Variants in GLI3 observed in about 807,000 individuals in gnomAD.
GLI3 encodes the protein GLI family zinc finger 3.
Under a neutral mutation model 100.8 loss-of-function variants are expected in GLI3, and 20 were observed. That is an observed-to-expected ratio of 0.20 (90% confidence interval 0.14 to 0.29). The LOEUF is 0.29. Among genes scored for constraint, GLI3 ranks in the 10% least tolerant of loss-of-function variants. The pLI is 1.00. For synonymous variants in GLI3, 938 were observed against 860.5 expected (o/e 1.09, Z -1.58); for missense variants, 2,040 against 2,128.5 (o/e 0.96, Z 0.82).
intron 3 of GLI3, among the ~76,000 whole-genome samples, chr7:42,130,646 G>C (rs1352197115): frequency 6.6e-6 from 1 of 152,012 alleles, no homozygotes; most frequent in Non-Finnish European, 1.5e-5. Context: ...TAACCTAGGA[G>C]GTCTAACAGT....
chr7:42,056,473 T>C (rs1439692464), intron 4 of GLI3, among the ~76,000 whole-genome samples: 1 of 152,122 alleles, frequency 6.6e-6, no homozygotes, highest in African/African-American at 2.4e-5. Flanking sequence ...GTAAATATGA[T>C]TTGAATGAAA....
At chr7:42,131,125 T>C (rs1786264689) in intron 3 of GLI3, among the ~76,000 whole-genome samples, 1 of 152,144 alleles carries the variant, frequency 6.6e-6, no homozygotes, top group Non-Finnish European at 1.5e-5. Flanking sequence ...TGTATTCCAA[T>C]AAAATAAAGG....
intron 4 of GLI3, among the ~76,000 whole-genome samples, chr7:42,063,918 A>G (rs1784622375): frequency 6.6e-6 from 1 of 152,188 alleles, no homozygotes; most frequent in Non-Finnish European, 1.5e-5. Flanking sequence ...CCAGATACAC[A>G]TGTGCATGTA....
intron 3 of GLI3, among the ~76,000 whole-genome samples, chr7:42,107,752 C>T (rs1430993021): frequency 2.0e-5 from 3 of 152,178 alleles, no homozygotes; most frequent in Non-Finnish European, 2.9e-5. Flanking sequence ...TCTGGGGACA[C>T]TTCACAAATG....
chr7:41,972,263 T>G lies in GLI3; in HGVS notation c.2103+74A>C. 1 of 1,384,206 alleles carries G rather than the reference T, an allele frequency of 7.2e-7. No homozygotes were observed. The highest frequency in any genetic ancestry group is 1.2e-5 in the South Asian group (1 of 86,146). 85.7% of individuals were successfully genotyped at this position (1,384,206 alleles called of 1,614,324 possible). A position where few individuals can be genotyped will look rare whatever the true frequency, so the allele number is the denominator to read the frequency against. The stretch of plus-strand genomic sequence containing the variant: ...TGACACAGTGAGGACCGGGAAGTCC[T>G]GTCCCTCTATGCACCCTACCTGGCT... On this transcript the variant is annotated intron_variant, in intron 13 of 14. Coordinates refer to ENST00000395925, the MANE Select transcript of GLI3 (RefSeq NM_000168.6). The surrounding 1 kb of genome is among the most constrained non-coding windows in gnomAD (Gnocchi z 4.4).
At chr7:42,026,000 G>GA (rs1266749396) in intron 8 of GLI3, among the ~76,000 whole-genome samples, 199 bp downstream of exon 8, 2 of 152,156 alleles carry the variant, frequency 1.3e-5, no homozygotes, top group African/African-American at 4.8e-5. Context: ...GACCCTGGGG[G>GA]AAAAAACTGT....
intron 6 of GLI3, among the ~76,000 whole-genome samples, chr7:42,044,763 G>A (rs901771592): frequency 6.6e-6 from 1 of 152,026 alleles, no homozygotes; most frequent in Non-Finnish European, 1.5e-5. Context: ...TGTTAAAACA[G>A]GTATTTTTTA....
At chr7:42,129,765 G>A (rs1191989576) in intron 3 of GLI3, among the ~76,000 whole-genome samples, 2 of 151,962 alleles carry the variant, frequency 1.3e-5, no homozygotes, top group African/African-American at 2.4e-5. Context: ...AGCCGAGATC[G>A]CGCCACTGCA....
rs199876743 is a variant in GLI3 at position 41,965,883 on chromosome 7, G to A, written c.3190C>T (p.Pro1064Ser). ...TTCTCGGTGATGCTGGGAGGACAGG[G>A]GGACGAGTGGAAGTTTCGGGACTGG... ...GGQSRNFHSS[P>S]CPPSITENVT... The change falls in exon 15 of 15, where the codon CCC (proline) becomes TCC (serine). Residue 1064 changes from proline (P) to serine (S), a missense_variant. Coordinates refer to ENST00000395925, the MANE Select transcript of GLI3 (RefSeq NM_000168.6). 2 of 1,613,690 alleles carry A rather than the reference G, an allele frequency of 1.2e-6. No individual in the cohort carries two copies. Among genetic ancestry groups the A allele is most frequent in the African/African-American group, 2.7e-5 (2 of 74,960 alleles).
At chr7:42,210,137 G>A (rs1330413757) in intron 2 of GLI3, among the ~76,000 whole-genome samples, 3 of 151,952 alleles carry the variant, frequency 2.0e-5, no homozygotes, top group Admixed American at 1.3e-4. Context: ...CCCCGCTGTC[G>A]AACATGGTTC....
chr7:42,026,998 C>T (rs1345479311), intron 7 of GLI3, among the ~76,000 whole-genome samples: 1 of 152,242 alleles, frequency 6.6e-6, no homozygotes, highest in Non-Finnish European at 1.5e-5. Context: ...ATTAACCTCT[C>T]CCCGCTGAAA....
At chr7:42,163,195 T>C (rs1787168243) in intron 2 of GLI3, among the ~76,000 whole-genome samples, 1 of 152,004 alleles carries the variant, frequency 6.6e-6, no homozygotes, top group Non-Finnish European at 1.5e-5. Context: ...TCTATCTCTA[T>C]ACACCTGCCT....
At chr7:42,160,393 G>A (rs1787103844) in intron 2 of GLI3, among the ~76,000 whole-genome samples, 1 of 152,134 alleles carries the variant, frequency 6.6e-6, no homozygotes, top group African/African-American at 2.4e-5. Context: ...GAGATATCTT[G>A]GGGATAGGAC....
chr7:42,092,807 TTATTTATG>T (rs1349735179), intron 3 of GLI3, among the ~76,000 whole-genome samples: 26 of 138,794 alleles, frequency 1.9e-4, no homozygotes, highest in African/African-American at 3.5e-4. Flanking sequence ...ATTTATTTAT[TTATTTATG>T]TATTTATGTA....
intron 1 of GLI3, among the ~76,000 whole-genome samples, chr7:42,252,235 G>C (rs1355705041): frequency 6.6e-6 from 1 of 152,114 alleles, no homozygotes; most frequent in Non-Finnish European, 1.5e-5. Flanking sequence ...GCAAACTAAT[G>C]CAGGAACAGC....
intron 5 of GLI3, among the ~76,000 whole-genome samples, chr7:42,045,771 T>C (rs754903070): frequency 2.0e-5 from 3 of 152,242 alleles, no homozygotes; most frequent in Admixed American, 6.5e-5. Context: ...TTGTTGTTGG[T>C]CTAAGAAATT....
chr7:41,972,372 G>A lies in GLI3; in HGVS notation c.2068C>T (p.Leu690Phe). The change falls in exon 13 of 15, where the codon CTC becomes TTC. Residue 690 changes from leucine to phenylalanine, a missense_variant. This residue lies in a region of GLI3 where 327 missense variants were observed against 338.7 expected (regional missense o/e 0.97). Coordinates refer to ENST00000395925, the MANE Select transcript of GLI3 (RefSeq NM_000168.6). The surrounding 1 kb of genome is among the most constrained non-coding windows in gnomAD (Gnocchi z 4.4). ...SNTTSKREEC[L>F]QVKTVKAEKP... is the part of the protein sequence containing the mutation. ...TCTGCCTTGACGGTTTTCACCTGGA[G>A]GCATTCTTCCCGCTTTGAGGTAGTG... is the stretch of plus-strand genomic sequence containing the variant. The A allele has an allele frequency of 1.2e-6, 2 of 1,614,024 alleles. No individual in the cohort carries two copies.
intron 2 of GLI3, among the ~76,000 whole-genome samples, chr7:42,187,563 T>C (rs978128637): frequency 6.6e-6 from 1 of 152,120 alleles, no homozygotes; most frequent in Non-Finnish European, 1.5e-5. Flanking sequence ...CATGCTAGAT[T>C]GAATAGTGTC....
intron 3 of GLI3, among the ~76,000 whole-genome samples, chr7:42,140,472 C>T (rs1702136570): frequency 6.6e-6 from 1 of 152,142 alleles, no homozygotes; most frequent in Admixed American, 6.5e-5. Flanking sequence ...CCTGGCCCCC[C>T]TCAAAAGAAG....
Sources: gnomAD v4.1 joint callset for allele counts (sites outside exome capture counted in the v4.1 genomes callset) on GRCh38, gnomAD v4.1.1 for gene constraint, gnomAD v4.1.1 regional missense constraint, Gnocchi (gnomAD v3.1) non-coding constraint, MANE v1.5 for transcripts, NCBI Gene and HGNC (gene_info 2026-07-23, HGNC 2026-07-21) for gene names.